GNAO1: variants seen among roughly 807,000 people sequenced by gnomAD.
GNAO1 encodes the protein guanine nucleotide-binding protein G(o) subunit alpha.
For synonymous variants in GNAO1, 164 were observed against 180.7 expected (o/e 0.91, Z 0.74); for missense variants, 166 against 478.7 (o/e 0.35, Z 6.10).
intron 2 of GNAO1, chr16:56,194,103 A>G: frequency 2.2e-6 from 1 of 456,588 alleles, no homozygotes; most frequent in Non-Finnish European, 4.4e-6. Flanking sequence ...GATGGTAGGG[A>G]GTAGCGACTC....
At chr16:56,214,285 C>T (rs1195254835) in intron 2 of GNAO1, among the ~76,000 whole-genome samples, 2 of 152,170 alleles carry the variant, frequency 1.3e-5, no homozygotes, top group Admixed American at 1.3e-4. Flanking sequence ...AGCACTGAGG[C>T]TGTCACAGGA....
intron 2 of GNAO1, among the ~76,000 whole-genome samples, chr16:56,230,983 C>G (rs2036584307): frequency 6.6e-6 from 1 of 152,186 alleles, no homozygotes; most frequent in African/African-American, 2.4e-5. Flanking sequence ...CTGTCCCTGT[C>G]AGGAGACAGC....
At chr16:56,237,128 ATTTTATTC>A (rs548041492) in intron 2 of GNAO1, among the ~76,000 whole-genome samples, 10 of 152,232 alleles carry the variant, frequency 6.6e-5, no homozygotes, top group Non-Finnish European at 1.2e-4. Context: ...TACTATCAGT[ATTTTATTC>A]TTTTGTTTTC....
intron 2 of GNAO1, among the ~76,000 whole-genome samples, chr16:56,259,683 T>A (rs940121181): frequency 3.9e-5 from 6 of 152,190 alleles, no homozygotes; most frequent in African/African-American, 1.4e-4. Context: ...CTGGGAGTGG[T>A]CTGCAGAAGG....
intron 2 of GNAO1, among the ~76,000 whole-genome samples, chr16:56,240,362 G>T (rs1295588912): frequency 6.6e-6 from 1 of 152,162 alleles, no homozygotes; most frequent in Non-Finnish European, 1.5e-5. Flanking sequence ...TTGGGCACCC[G>T]TGCTGGTGCC....
At chr16:56,196,984 C>A (rs747958386) in intron 2 of GNAO1, among the ~76,000 whole-genome samples, 15 of 152,130 alleles carry the variant, frequency 9.9e-5, no homozygotes, top group Non-Finnish European at 1.6e-4. Flanking sequence ...CCCAGCTGAC[C>A]CTGACTTTGT....
intron 3 of GNAO1, among the ~76,000 whole-genome samples, chr16:56,319,716 AC>A (rs2037552970): frequency 6.6e-6 from 1 of 151,806 alleles, no homozygotes; most frequent in African/African-American, 2.4e-5. Flanking sequence ...GAGCATCACT[AC>A]CCTACCACCT....
chr16:56,273,481 C>A (rs751220854), intron 2 of GNAO1, among the ~76,000 whole-genome samples: 7 of 152,096 alleles, frequency 4.6e-5, no homozygotes, highest in Non-Finnish European at 8.8e-5. Flanking sequence ...ATTCCATGAT[C>A]TCTGTCACTG....
At chr16:56,249,859 G>T (rs762149989) in intron 2 of GNAO1, among the ~76,000 whole-genome samples, 1 of 152,170 alleles carries the variant, frequency 6.6e-6, no homozygotes, top group Non-Finnish European at 1.5e-5. Flanking sequence ...TGGCCCTTAC[G>T]CTGGACAGAT....
intron 2 of GNAO1, among the ~76,000 whole-genome samples, chr16:56,236,069 A>G (rs1206956036): frequency 6.6e-6 from 1 of 152,188 alleles, no homozygotes. Context: ...TCAGGCAGTC[A>G]TTCTTGGTTT....
At chr16:56,263,215 GAT>G (rs1167517546) in intron 2 of GNAO1, among the ~76,000 whole-genome samples, 1 of 152,218 alleles carries the variant, frequency 6.6e-6, no homozygotes, top group Non-Finnish European at 1.5e-5. Flanking sequence ...GGTGGAGAGA[GAT>G]ATGTCCATCT....
chr16:56,243,795 G>T (rs1225615270), intron 2 of GNAO1, among the ~76,000 whole-genome samples: 1 of 152,154 alleles, frequency 6.6e-6, no homozygotes, highest in Non-Finnish European at 1.5e-5. Flanking sequence ...CAAATTATAT[G>T]ATGTGTGAAT....
At chr16:56,261,866 C>T (rs1189966687) in intron 2 of GNAO1, among the ~76,000 whole-genome samples, 2 of 152,180 alleles carry the variant, frequency 1.3e-5, no homozygotes, top group African/African-American at 2.4e-5. Flanking sequence ...TCCAAACAAA[C>T]GTCCAAGGGC....
At chr16:56,252,591 C>T (rs1353133382) in intron 2 of GNAO1, among the ~76,000 whole-genome samples, 1 of 152,202 alleles carries the variant, frequency 6.6e-6, no homozygotes, top group Non-Finnish European at 1.5e-5. Flanking sequence ...CTTGGAGAGT[C>T]GTGAGGATGA....
intron 2 of GNAO1, 41 bp from the exon 3 acceptor site, chr16:56,275,890 C>A: frequency 6.3e-7 from 1 of 1,577,308 alleles, no homozygotes; most frequent in South Asian, 1.2e-5. Context: ...TTGATGAGGA[C>A]AATGCTCTCA....
intron 8 of GNAO1, 164 bp from the exon 9 acceptor site, chr16:56,355,939 G>T (rs2143706982): frequency 6.6e-6 from 1 of 152,408 alleles, no homozygotes; most frequent in East Asian, 1.9e-4. Context: ...GCTTCCCCAG[G>T]TGCCCGGGAT....
At chr16:56,339,044 C>T (rs1283959816) in intron 6 of GNAO1, among the ~76,000 whole-genome samples, 1 of 152,232 alleles carries the variant, frequency 6.6e-6, no homozygotes, top group Non-Finnish European at 1.5e-5. Flanking sequence ...CTTTGCAGCC[C>T]GGGGAAGAGT....
intron 2 of GNAO1, among the ~76,000 whole-genome samples, chr16:56,274,636 A>T (rs773966629): frequency 2.0e-5 from 3 of 152,252 alleles, no homozygotes; most frequent in Non-Finnish European, 4.4e-5. Context: ...TCTTGAAAAC[A>T]TTGTGCTAAG....
intron 2 of GNAO1, chr16:56,194,170 G>A (rs2036208959): frequency 2.2e-6 from 1 of 456,346 alleles, no homozygotes; most frequent in Non-Finnish European, 4.4e-6. Flanking sequence ...GAGCTCCCTG[G>A]GGCTTTCTTC....
Sources: gnomAD v4.1 joint callset for allele counts (sites outside exome capture counted in the v4.1 genomes callset) on GRCh38, gnomAD v4.1.1 for gene constraint, MANE v1.5 for transcripts, NCBI Gene and HGNC (gene_info 2026-07-23, HGNC 2026-07-21) for gene names.